Variants in PIK3R5 observed in about 807,000 individuals in gnomAD.
PIK3R5 encodes the protein phosphoinositide 3-kinase regulatory subunit 5.
PIK3R5 carries 32 observed loss-of-function variants against 94.9 expected under a neutral mutation model. The ratio of observed to expected loss-of-function variants is 0.34; its 90% CI spans 0.25 to 0.45. The LOEUF (loss-of-function observed/expected upper bound fraction) is 0.45. Ranked by LOEUF, PIK3R5 falls within the 20% of genes least tolerant of loss-of-function variation. The pLI is 1.00. For synonymous variants in PIK3R5, 443 were observed against 479.4 expected (o/e 0.92, Z 0.99); for missense variants, 853 against 1,144.6 (o/e 0.75, Z 3.68).
chr17:8,881,107 C>G lies in PIK3R5; in HGVS notation c.2383-90G>C, dbSNP rs921245228. ...TCCTTTTCTCAGAACTGCCCATCCA[C>G]TTCTAGGGGTGTGGGAGGGCAGGGG... On this transcript the variant is annotated intron_variant, in intron 17 of 18. Transcript: ENST00000447110. The surrounding 1 kb of genome is among the most constrained non-coding windows in gnomAD (Gnocchi z 4.8). The G allele has an allele frequency of 7.3e-6, 7 of 953,856 alleles. No homozygotes were observed. In the African/African-American group the frequency reaches 1.1e-4, roughly 15 times the overall value. The allele number at this position is 953,856 out of a possible 1,614,324, so 59.1% of individuals were successfully genotyped here.
chr17:8,887,546 T>G lies in PIK3R5; in HGVS notation c.1754A>C (p.Asp585Ala). The G allele has an allele frequency of 6.2e-7, 1 of 1,607,080 alleles. No individual in the cohort carries two copies. Among genetic ancestry groups the G allele is most frequent in the South Asian group, 1.1e-5 (1 of 89,740 alleles). ...TCCAGGGCTGGCGTGCCTAGGGGAG[T>G]CTGTCGGGGGTGAGGGCGTCTGGCT... ...PRSQTPSPPT[D>A]SPRHASPGEL... Residue 585 changes from aspartate (D) to alanine (A), a missense_variant, in exon 11 of 19, where the codon GAC becomes GCC. Asp to Ala is a moderately radical substitution (Grantham distance 126, BLOSUM62 -2). Around this residue, in one of 6 missense-constraint regions of PIK3R5, gnomAD observed 319 missense variants for 339.8 expected, o/e 0.94. Transcript: ENST00000447110.
intron 1 of PIK3R5, among the ~76,000 whole-genome samples, chr17:8,954,703 A>G (rs1394202039): frequency 6.6e-6 from 1 of 152,108 alleles, no homozygotes; most frequent in Non-Finnish European, 1.5e-5. Flanking sequence ...CGGGAGGCCG[A>G]GGCGGGTAGA....
intron 1 of PIK3R5, among the ~76,000 whole-genome samples, chr17:8,932,100 C>A (rs1253728734): frequency 6.6e-6 from 1 of 151,686 alleles, no homozygotes; most frequent in African/African-American, 2.4e-5. Flanking sequence ...TGAATAAAAA[C>A]CAAAGAGAGT....
At chr17:8,959,961 C>T (rs893870191) in intron 1 of PIK3R5, among the ~76,000 whole-genome samples, 6 of 152,124 alleles carry the variant, frequency 3.9e-5, no homozygotes, top group Admixed American at 1.3e-4. Flanking sequence ...GGCTCCTGAG[C>T]GGGACACGCT....
chr17:8,954,937 C>CAAA (rs4065024), intron 1 of PIK3R5, among the ~76,000 whole-genome samples: 3 of 101,124 alleles, frequency 3.0e-5, no homozygotes, highest in Non-Finnish European at 2.1e-5. Flanking sequence ...AACTCCGTCT[C>CAAA]AAAAAAAAAA....
In PIK3R5 at chr17:8,965,001, CCACACACA is replaced by C. The variant is rs10680170; in HGVS notation, c.-14+587_-14+594del. 1.1e-3 allele frequency among the ~76,000 whole-genome samples: 164 copies of C among 150,800 alleles called. 2 individuals are homozygous for C. Among genetic ancestry groups the C allele is most frequent in the African/African-American group, 3.5e-3 (145 of 41,112 alleles). On this transcript the variant is annotated intron_variant, in intron 1 of 18. Coordinates refer to ENST00000447110, the MANE Select transcript of PIK3R5 (RefSeq NM_001142633.3). ...GGCCAGCACGCGCACATGCGCATGCCCACACACACACACACACACACACACACACGAGT... is the reference window on the plus strand; with the variant it reads ...GGCCAGCACGCGCACATGCGCATGCCCACACACACACACACACACACGAGT...
intron 5 of PIK3R5, among the ~76,000 whole-genome samples, chr17:8,894,281 G>A (rs902542234): frequency 2.6e-5 from 4 of 152,204 alleles, no homozygotes; most frequent in Non-Finnish European, 5.9e-5. Context: ...CCCGTCTTGT[G>A]CCGCAGGGCT....
At position 8,887,083 on chromosome 17, in the gene PIK3R5, C is replaced by CG. The variant is rs763812975; in HGVS notation, c.1905+12dup. 6.2e-7 allele frequency: 1 copy of CG among 1,613,588 alleles called. No individual in the cohort carries two copies. The highest frequency in any genetic ancestry group is 1.3e-5 in the African/African-American group (1 of 74,928). ...GCCAGTGGACCCTGTTCCGCAACCA[C>CG]GGGGCCACTTACCTGGCACAGGACT... On this transcript the variant is annotated intron_variant, in intron 12 of 18. Coordinates refer to ENST00000447110, the MANE Select transcript of PIK3R5 (RefSeq NM_001142633.3).
At chr17:8,913,637 G>T (rs996901136) in intron 1 of PIK3R5, among the ~76,000 whole-genome samples, 1 of 152,246 alleles carries the variant, frequency 6.6e-6, no homozygotes, top group Non-Finnish European at 1.5e-5. Flanking sequence ...GCTTGAACCC[G>T]GGAGGCGGAG....
At position 8,880,452 on chromosome 17, in the gene PIK3R5, C is replaced by T; in HGVS notation, c.*187G>A. The T allele has an allele frequency of 5.6e-6, 3 of 537,202 alleles. No individual in the cohort carries two copies. Among genetic ancestry groups the T allele is most frequent in the Non-Finnish European group, 9.6e-6 (3 of 310,904 alleles). 33.3% of individuals were successfully genotyped at this position (537,202 alleles called of 1,614,324 possible). A position where few individuals can be genotyped will look rare whatever the true frequency, so the allele number is the denominator to read the frequency against. ...GGTCTGGCCCTTCTCTCTCTGATAG[C>T]TGTTGCTTTCCCAGAACCCTGAGGC... On this transcript the variant is annotated 3_prime_UTR_variant, in exon 19 of 19. Transcript: ENST00000447110.
Position 8,892,274 on chromosome 17 carries a change from CTCTA to C in PIK3R5, c.482+1308_482+1311del, listed in dbSNP as rs1280033701. 2.0e-5 allele frequency among the ~76,000 whole-genome samples: 3 copies of C among 152,184 alleles called. No individual in the cohort carries two copies. The highest frequency in any genetic ancestry group is 7.2e-5 in the African/African-American group (3 of 41,448). The stretch of plus-strand genomic sequence containing the variant: ...TTTGGGAAGAAACTCACTTTGATTT[CTCTA>C]TCTGTAAGAAAAAGGAGGTGGGCTT... On this transcript the variant is annotated intron_variant, in intron 6 of 18. Coordinates refer to ENST00000447110, the MANE Select transcript of PIK3R5 (RefSeq NM_001142633.3). The surrounding 1 kb of genome is among the most constrained non-coding windows in gnomAD (Gnocchi z 4.3).
rs1298514407 is a variant in PIK3R5, at chr17:8,911,733, G to A, written c.-13-226C>T. 6 of 477,440 alleles carry A rather than the reference G, an allele frequency of 1.3e-5. No homozygotes were observed. The highest frequency in any genetic ancestry group is 7.1e-5 in the Admixed American group (2 of 28,324). The allele number at this position is 477,440 out of a possible 1,614,324, so 29.6% of individuals were successfully genotyped here. ...GGACAGAGCACCCCTGCAGCAGAAC[G>A]GGACAGAGGTGTGGGAAGTAAGGGG... On this transcript the variant is annotated intron_variant, in intron 1 of 18. Transcript: ENST00000447110. This position sits in a 1 kb window ranked among gnomAD's most constrained non-coding sequence, Gnocchi z 5.3.
In PIK3R5 at chr17:8,890,139, G is replaced by T; in HGVS notation, c.658-13C>A. The T allele has an allele frequency of 6.2e-7, 1 of 1,613,370 alleles. No homozygotes were observed. Reference sequence around the variant, plus strand: ...CCAGGGTCTTGGCCTGAAACCCCAGGAGGAGATGGGCTTTGCTCCTGGACC... The same window carrying T: ...CCAGGGTCTTGGCCTGAAACCCCAGTAGGAGATGGGCTTTGCTCCTGGACC... On this transcript the variant is annotated splice_polypyrimidine_tract_variant and intron_variant, in intron 7 of 18. Coordinates refer to ENST00000447110, the MANE Select transcript of PIK3R5 (RefSeq NM_001142633.3). The surrounding 1 kb of genome is among the most constrained non-coding windows in gnomAD (Gnocchi z 6.1).
chr17:8,953,671 C>T (rs1213870966), intron 1 of PIK3R5, among the ~76,000 whole-genome samples: 1 of 152,154 alleles, frequency 6.6e-6, no homozygotes, highest in African/African-American at 2.4e-5. Context: ...TTTTGATCAC[C>T]CACTCTTGGG....
At chr17:8,926,457 G>A (rs376542286) in intron 1 of PIK3R5, among the ~76,000 whole-genome samples, 2 of 152,146 alleles carry the variant, frequency 1.3e-5, no homozygotes. Flanking sequence ...ACATACCTGA[G>A]ACTGGGAAGA....
chr17:8,881,015 A>C lies in PIK3R5; in HGVS notation c.2385T>G (p.Ile795Met). ...NSKSKKGFNQ[I>M]STSQIKVDKV... ...TGTCCACTTTGATCTGCGATGTGCT[A>C]ATCTGGAAGGAAGGCCCAGGTCAGC... The change falls in exon 18 of 19, where the codon ATT (isoleucine) becomes ATG (methionine). Residue 795 changes from isoleucine to methionine, a missense_variant and splice_region_variant. Transcript: ENST00000447110. The surrounding 1 kb of genome is among the most constrained non-coding windows in gnomAD (Gnocchi z 4.8). 1 of 1,612,490 alleles carries C rather than the reference A, an allele frequency of 6.2e-7. No individual in the cohort carries two copies. The highest frequency in any genetic ancestry group is 8.5e-7 in the Non-Finnish European group (1 of 1,178,532).
rs2089757788 is a variant in PIK3R5, at chr17:8,884,347, C to A, written c.2205+360G>T. On this transcript the variant is annotated intron_variant, in intron 15 of 18. Coordinates refer to ENST00000447110, the MANE Select transcript of PIK3R5 (RefSeq NM_001142633.3). The surrounding 1 kb of genome is among the most constrained non-coding windows in gnomAD (Gnocchi z 5.8). Reference sequence around the variant, plus strand: ...CCCATCTTGCATGCAGCCTGCCAGGCACACTGGCCCCCCGAGACCCTGGCT... The same window carrying A: ...CCCATCTTGCATGCAGCCTGCCAGGAACACTGGCCCCCCGAGACCCTGGCT... Among the ~76,000 whole-genome samples, 1 of 152,028 alleles carries A rather than the reference C, an allele frequency of 6.6e-6. No homozygotes were observed.
Position 8,886,290 on chromosome 17 carries a change from C to G in PIK3R5, c.2067G>C (p.Glu689Asp). 2 of 1,613,760 alleles carry G rather than the reference C, an allele frequency of 1.2e-6. No homozygotes were observed. Among genetic ancestry groups the G allele is most frequent in the Non-Finnish European group, 1.7e-6 (2 of 1,179,982 alleles). Residue 689 changes from glutamate to aspartate, a missense_variant, in exon 14 of 19, where the codon GAG becomes GAC. Physicochemically the swap from Glu to Asp is conservative, Grantham distance 45. Around this residue, in one of 6 missense-constraint regions of PIK3R5, gnomAD observed 173 missense variants for 274.1 expected, o/e 0.63. Coordinates refer to ENST00000447110, the MANE Select transcript of PIK3R5 (RefSeq NM_001142633.3). ...LTFITGEKTT[E>D]IFIHSLELGH... ...CCAGCTCCAAGGAGTGGATGAAGATCTCTGTCGTCTTCTCCCCAGTGATGA... is the reference window on the plus strand; with the variant it reads ...CCAGCTCCAAGGAGTGGATGAAGATGTCTGTCGTCTTCTCCCCAGTGATGA...
intron 5 of PIK3R5, among the ~76,000 whole-genome samples, chr17:8,903,576 C>T (rs899487603): frequency 2.6e-5 from 4 of 150,964 alleles, no homozygotes; most frequent in East Asian, 1.9e-4. Context: ...ATTGTGGTTA[C>T]GTTTACTTTC....
Sources: gnomAD v4.1 joint callset for allele counts (sites outside exome capture counted in the v4.1 genomes callset) on GRCh38, gnomAD v4.1.1 for gene constraint, gnomAD v4.1.1 regional missense constraint, Gnocchi (gnomAD v3.1) non-coding constraint, MANE v1.5 for transcripts, NCBI Gene and HGNC (gene_info 2026-07-23, HGNC 2026-07-21) for gene names.